Variants in CADM4 observed in about 807,000 individuals in gnomAD.
The protein encoded by CADM4 is cell adhesion molecule 4, also known as TSLC1-like 2.
A neutral mutation model predicts 43.9 loss-of-function variants in CADM4; 13 were observed. The observed-to-expected ratio is 0.30, with a 90% CI of 0.19 to 0.47. The LOEUF (loss-of-function observed/expected upper bound fraction) is 0.47, where lower values mean the gene tolerates loss of function less well. CADM4 is among the 20% of genes least tolerant of loss of function. The probability of loss-of-function intolerance (pLI) is 1.00; values close to 1 mark genes in which losing one functional copy is unlikely to be tolerated. For synonymous variants in CADM4, 209 were observed against 220.9 expected, an observed-to-expected ratio of 0.95 and a Z score of 0.48; for missense variants, 420 against 527.0, an observed-to-expected ratio of 0.80 and a Z score of 1.99.
At chr19:43,634,334 G>A (rs1431987323) in intron 1 of CADM4, among the ~76,000 whole-genome samples, 2 of 152,186 alleles carry the variant, frequency 1.3e-5, no homozygotes, top group Non-Finnish European at 2.9e-5. Context: ...CCTCAAGACT[G>A]GTTCAGTGCT....
rs368600301 is a variant in CADM4 at position 43,623,290 on chromosome 19, C to T, written c.*40G>A. 1.6e-4 allele frequency: 251 copies of T among 1,530,674 alleles called. 4 individuals carry two copies. In the South Asian group the frequency reaches 2.0e-3, roughly 12 times the overall value. The allele number at this position is 1,530,674 out of a possible 1,614,324, so 94.8% of individuals were successfully genotyped here. A position where few individuals can be genotyped will look rare whatever the true frequency, so the allele number is the denominator to read the frequency against. On this transcript the variant is annotated 3_prime_UTR_variant, in exon 9 of 9. Transcript: ENST00000222374. This position sits in a 1 kb window ranked among gnomAD's most constrained non-coding sequence, Gnocchi z 4.4. ...CTTGCAGCTGGCAGTGGGGGGGACC[C>T]CAGCCCAGGCCCAGGCCTAGGCCTG...
At chr19:43,635,817 G>GA (rs1199258206) in intron 1 of CADM4, among the ~76,000 whole-genome samples, 2 of 114,730 alleles carry the variant, frequency 1.7e-5, no homozygotes, top group African/African-American at 7.4e-5. Flanking sequence ...AGGAGTCTAA[G>GA]ACCCCAGCCC....
rs1353181801 is a variant in CADM4 at position 43,639,761 on chromosome 19, C to A, written c.30G>T (p.Pro10=). MGRARRFQW[P]LLLLWAAAAG... is the part of the protein sequence containing the mutation. ...CCGCGGCCGCCCACAGCAGCAGCAG[C>A]GGCCACTGGAAGCGCCGGGCCCGGC... The change falls in exon 1 of 9, where the codon CCG becomes CCT. Residue 10 remains proline (P), a synonymous_variant. Transcript: ENST00000222374. 3.9e-6 allele frequency: 4 copies of A among 1,026,946 alleles called. No individual in the cohort carries two copies. Among genetic ancestry groups the A allele is most frequent in the East Asian group, 1.1e-4 (1 of 9,472 alleles). The allele number at this position is 1,026,946 out of a possible 1,614,324, so 63.6% of individuals were successfully genotyped here. A position where few individuals can be genotyped will look rare whatever the true frequency, so the allele number is the denominator to read the frequency against.
chr19:43,628,952 C>A (rs1973575490), intron 1 of CADM4, among the ~76,000 whole-genome samples: 2 of 152,184 alleles, frequency 1.3e-5, no homozygotes, highest in Non-Finnish European at 2.9e-5. Flanking sequence ...CTGATACAGC[C>A]CAAACTGCTG....
intron 1 of CADM4, among the ~76,000 whole-genome samples, chr19:43,638,419 T>G (rs1973730091): frequency 6.6e-6 from 1 of 152,232 alleles, no homozygotes; most frequent in Non-Finnish European, 1.5e-5. Context: ...CCATGCCACC[T>G]GGTTATAACT....
intron 1 of CADM4, among the ~76,000 whole-genome samples, chr19:43,628,816 G>A (rs1394037687): frequency 6.6e-6 from 1 of 152,174 alleles, no homozygotes; most frequent in Non-Finnish European, 1.5e-5. Flanking sequence ...AAGCCCAGCC[G>A]GCAGCCAGCA....
At chr19:43,637,471 A>C (rs1973718857) in intron 1 of CADM4, among the ~76,000 whole-genome samples, 1 of 152,096 alleles carries the variant, frequency 6.6e-6, no homozygotes, top group African/African-American at 2.4e-5. Flanking sequence ...AATTATACTA[A>C]AGGGTCCTGG....
At chr19:43,632,104 A>G (rs1203169195) in intron 1 of CADM4, among the ~76,000 whole-genome samples, 2 of 151,736 alleles carry the variant, frequency 1.3e-5, no homozygotes, top group Non-Finnish European at 2.9e-5. Context: ...TGCCCCAGAT[A>G]TTTTCCTCCC....
chr19:43,628,769 C>G (rs1254483568), intron 1 of CADM4, among the ~76,000 whole-genome samples: 1 of 152,218 alleles, frequency 6.6e-6, no homozygotes, highest in African/African-American at 2.4e-5. Context: ...GATACCCAGA[C>G]TAGTGTCTTT....
Position 43,627,599 on chromosome 19 carries a change from C to T in CADM4, c.211+45G>A, listed in dbSNP as rs746180383. ...CAGGACATGGGAGCCTGGGCCCCAG[C>T]CCTCTCTTCCTTTAAGACTCCTGAG... On this transcript the variant is annotated intron_variant, in intron 2 of 8. Transcript: ENST00000222374. This position sits in a 1 kb window ranked among gnomAD's most constrained non-coding sequence, Gnocchi z 4.0. The T allele has an allele frequency of 2.5e-6, 4 of 1,578,040 alleles. No homozygotes were observed. Among genetic ancestry groups the T allele is most frequent in the South Asian group, 2.2e-5 (2 of 89,238 alleles).
chr19:43,626,963 C>A lies in CADM4; in HGVS notation c.365-45G>T. The stretch of plus-strand genomic sequence containing the variant: ...AGTAAGGGGTTAAAGAAGGCACGAA[C>A]GTGGGCTCAAAGCGATCGAGCTGCC... On this transcript the variant is annotated intron_variant, in intron 3 of 8. Transcript: ENST00000222374. The surrounding 1 kb of genome is among the most constrained non-coding windows in gnomAD (Gnocchi z 5.9). 1 of 1,533,732 alleles carries A rather than the reference C, an allele frequency of 6.5e-7. No individual in the cohort carries two copies. The highest frequency in any genetic ancestry group is 8.8e-7 in the Non-Finnish European group (1 of 1,138,868).
At position 43,626,942 on chromosome 19, in the gene CADM4, A is replaced by AGGGGTTAAAGAAGGCACGAACGT; in HGVS notation, c.365-47_365-25dup. ...CACTGCCGCAGGGAGAAGGGAAGTA[A>AGGGGTTAAAGAAGGCACGAACGT]GGGGTTAAAGAAGGCACGAACGTGG... On this transcript the variant is annotated intron_variant, in intron 3 of 8. Coordinates refer to ENST00000222374, the MANE Select transcript of CADM4 (RefSeq NM_145296.2). The surrounding 1 kb of genome is among the most constrained non-coding windows in gnomAD (Gnocchi z 5.9). The AGGGGTTAAAGAAGGCACGAACGT allele has an allele frequency of 6.4e-7, 1 of 1,567,626 alleles. No individual in the cohort carries two copies.
At chr19:43,634,965 C>T (rs1340875173) in intron 1 of CADM4, among the ~76,000 whole-genome samples, 2 of 152,114 alleles carry the variant, frequency 1.3e-5, no homozygotes, top group East Asian at 3.9e-4. Flanking sequence ...CGATCAGGAC[C>T]CAGGAGTCTG....
At position 43,627,111 on chromosome 19, in the gene CADM4, G is replaced by C. The variant is rs1240167135; in HGVS notation, c.364+55C>G. The C allele has an allele frequency of 1.3e-6, 2 of 1,515,488 alleles. No homozygotes were observed. The highest frequency in any genetic ancestry group is 2.8e-5 in the African/African-American group (2 of 70,732). The allele number at this position is 1,515,488 out of a possible 1,614,324, so 93.9% of individuals were successfully genotyped here. ...ATGGTCTGAAAGTCTCAGGAGAAGA[G>C]AGAAGCAGAGAAGAAAGGAGGAGAG... On this transcript the variant is annotated intron_variant, in intron 3 of 8. Transcript: ENST00000222374. This position sits in a 1 kb window ranked among gnomAD's most constrained non-coding sequence, Gnocchi z 4.0.
At position 43,625,398 on chromosome 19, in the gene CADM4, A is replaced by C; in HGVS notation, c.756-148T>G. The C allele has an allele frequency of 1.2e-6, 1 of 831,192 alleles. No individual in the cohort carries two copies. The highest frequency in any genetic ancestry group is 1.8e-6 in the Non-Finnish European group (1 of 551,160). The allele number at this position is 831,192 out of a possible 1,614,324, so 51.5% of individuals were successfully genotyped here. The stretch of plus-strand genomic sequence containing the variant: ...CTATCTCTTTCCTTTCTGGAAAACC[A>C]ACAGTCCTGGGCCTACTTCCACCCA... On this transcript the variant is annotated intron_variant, in intron 6 of 8. Transcript: ENST00000222374. The surrounding 1 kb of genome is among the most constrained non-coding windows in gnomAD (Gnocchi z 4.5).
chr19:43,622,755 T>A lies in CADM4; in HGVS notation c.*575A>T, dbSNP rs2146131261. Reference sequence around the variant, plus strand: ...GCCCAGGAACCTGGGGAAGGGGGATTGGAGAAAAGGGTTGGGGCTGTCTCC... The same window carrying A: ...GCCCAGGAACCTGGGGAAGGGGGATAGGAGAAAAGGGTTGGGGCTGTCTCC... On this transcript the variant is annotated 3_prime_UTR_variant, in exon 9 of 9. Coordinates refer to ENST00000222374, the MANE Select transcript of CADM4 (RefSeq NM_145296.2). The A allele has an allele frequency of 6.6e-6, 1 of 152,538 alleles. No homozygotes were observed. The highest frequency in any genetic ancestry group is 2.0e-4 in the East Asian group (1 of 5,112). The allele number at this position is 152,538 out of a possible 1,614,324, so 9.4% of individuals were successfully genotyped here.
At chr19:43,634,503 TG>T (rs1973673737) in intron 1 of CADM4, among the ~76,000 whole-genome samples, 1 of 148,740 alleles carries the variant, frequency 6.7e-6, no homozygotes, top group African/African-American at 2.5e-5. Flanking sequence ...GGGGTGAGGG[TG>T]GGGGTCTTTT....
intron 1 of CADM4, among the ~76,000 whole-genome samples, chr19:43,634,800 C>G (rs2146157961): frequency 6.6e-6 from 1 of 152,044 alleles, no homozygotes. Context: ...CAACTACCTC[C>G]TCTCCCAGGA....
In CADM4 at chr19:43,639,840, C is replaced by T; in HGVS notation, c.-50G>A. 1 of 978,214 alleles carries T rather than the reference C, an allele frequency of 1.0e-6. No individual in the cohort carries two copies. The highest frequency in any genetic ancestry group is 4.6e-5 in the South Asian group (1 of 21,908). The allele number at this position is 978,214 out of a possible 1,614,324, so 60.6% of individuals were successfully genotyped here. ...GCTCGCTCCCGGCCCGGCACCTGCACCGCCCGCGCCGCCCGCCCCGCCCCC... is the reference window on the plus strand; with the variant it reads ...GCTCGCTCCCGGCCCGGCACCTGCATCGCCCGCGCCGCCCGCCCCGCCCCC... On this transcript the variant is annotated 5_prime_UTR_variant, in exon 1 of 9. In the 5' UTR this introduces an upstream ATG that the reference lacks. Coordinates refer to ENST00000222374, the MANE Select transcript of CADM4 (RefSeq NM_145296.2).
Sources: gnomAD v4.1 joint callset for allele counts (sites outside exome capture counted in the v4.1 genomes callset) on GRCh38, gnomAD v4.1.1 for gene constraint, Gnocchi (gnomAD v3.1) non-coding constraint, MANE v1.5 for transcripts, NCBI Gene and HGNC (gene_info 2026-07-23, HGNC 2026-07-21) for gene names.